EFCAB6: variants seen among roughly 807,000 people sequenced by gnomAD.
The protein encoded by EFCAB6 is EF-hand calcium-binding domain-containing protein 6.
Under a neutral mutation model 169.8 loss-of-function variants are expected in EFCAB6, and 156 were observed. The observed-to-expected ratio is 0.92, with a 90% CI of 0.81 to 1.05. The LOEUF (loss-of-function observed/expected upper bound fraction) is 1.05. Ranked by LOEUF, EFCAB6 falls within the 50% of genes least tolerant of loss-of-function variation. The probability of loss-of-function intolerance (pLI) is 0.00; values close to 1 mark genes in which losing one functional copy is unlikely to be tolerated. For missense variants in EFCAB6, 1,800 were observed against 1,829.1 expected (o/e 0.98, Z 0.29); for synonymous variants, 698 against 676.4 (o/e 1.03, Z -0.50).
chr22:43,641,817 A>G (rs2055824769), intron 17 of EFCAB6, among the ~76,000 whole-genome samples: 1 of 152,104 alleles, frequency 6.6e-6, no homozygotes, highest in African/African-American at 2.4e-5. Flanking sequence ...TCTTAATACT[A>G]CACTTAGCAA....
chr22:43,782,853 T>C (rs1353946232), intron 2 of EFCAB6, among the ~76,000 whole-genome samples: 1 of 152,196 alleles, frequency 6.6e-6, no homozygotes, highest in Non-Finnish European at 1.5e-5. Flanking sequence ...TGGGGAGCAT[T>C]TATTCCCCCA....
intron 22 of EFCAB6, among the ~76,000 whole-genome samples, chr22:43,601,455 T>C (rs1172121894): frequency 1.3e-5 from 2 of 152,230 alleles, no homozygotes; most frequent in African/African-American, 4.8e-5. Flanking sequence ...GAGACTATAT[T>C]TAAACAATGT....
intron 23 of EFCAB6, among the ~76,000 whole-genome samples, chr22:43,594,981 A>G (rs977997490): frequency 1.2e-4 from 19 of 152,354 alleles, no homozygotes; most frequent in Non-Finnish European, 2.4e-4. Context: ...GGAACTTTGG[A>G]AACTGTACAA....
chr22:43,738,568 CTT>C (rs1245859948), intron 6 of EFCAB6, among the ~76,000 whole-genome samples: 1 of 151,970 alleles, frequency 6.6e-6, no homozygotes, highest in East Asian at 1.9e-4. Context: ...TGCACACACA[CTT>C]GTACATATAA....
intron 3 of EFCAB6, among the ~76,000 whole-genome samples, chr22:43,779,875 A>G (rs1271514038): frequency 6.6e-6 from 1 of 152,350 alleles, no homozygotes; most frequent in African/African-American, 2.4e-5. Flanking sequence ...CACATTTTCA[A>G]TACAAAGAGA....
At chr22:43,727,288 G>A (rs950397192) in intron 8 of EFCAB6, among the ~76,000 whole-genome samples, 1 of 152,112 alleles carries the variant, frequency 6.6e-6, no homozygotes, top group Non-Finnish European at 1.5e-5. Flanking sequence ...AAATTAGCCA[G>A]GCATAGTGGC....
chr22:43,743,049 G>C (rs566079516), intron 6 of EFCAB6, among the ~76,000 whole-genome samples: 1 of 152,198 alleles, frequency 6.6e-6, no homozygotes, highest in South Asian at 2.1e-4. Context: ...AGGAAATGAA[G>C]CTCCATGTCA....
In EFCAB6 at chr22:43,576,312, G is replaced by A. The variant is rs772811269; in HGVS notation, c.3405C>T (p.Ser1135=). The change falls in exon 26 of 32, where the codon AGC becomes AGT. Residue 1135 remains serine, a synonymous_variant. Coordinates refer to ENST00000262726, the MANE Select transcript of EFCAB6 (RefSeq NM_022785.4). ...INWKYFLQNF[S]CFLEETADEW... ...ACATTCTTACCTCCTCAAGGAAACA[G>A]CTAAAGTTCTGGAGAAAATATTTCC... The A allele has an allele frequency of 1.3e-6, 2 of 1,586,880 alleles. No individual in the cohort carries two copies. Among genetic ancestry groups the A allele is most frequent in the South Asian group, 1.2e-5 (1 of 84,816 alleles).
At chr22:43,797,342 T>C (rs775999033) in intron 2 of EFCAB6, 1 of 152,594 alleles carries the variant, frequency 6.6e-6, no homozygotes, top group African/African-American at 2.4e-5. Context: ...TATTTCTGAC[T>C]TTGGGAATGC....
intron 10 of EFCAB6, among the ~76,000 whole-genome samples, chr22:43,706,557 T>C (rs1470489001): frequency 1.3e-5 from 2 of 152,234 alleles, no homozygotes; most frequent in Non-Finnish European, 2.9e-5. Context: ...ATATAATAAG[T>C]GCTCAAGAAT....
intron 26 of EFCAB6, among the ~76,000 whole-genome samples, chr22:43,561,528 C>T (rs956087107): frequency 6.6e-6 from 1 of 152,050 alleles, no homozygotes; most frequent in African/African-American, 2.4e-5. Flanking sequence ...TGCTGCCGCC[C>T]AGAGAACCAC....
chr22:43,583,173 G>A (rs1040445223), intron 24 of EFCAB6, among the ~76,000 whole-genome samples: 4 of 151,986 alleles, frequency 2.6e-5, no homozygotes, highest in Non-Finnish European at 5.9e-5. Context: ...TTGCTCCTCA[G>A]GGACTCTGAC....
chr22:43,597,391 C>A (rs2052097974), intron 23 of EFCAB6, among the ~76,000 whole-genome samples: 1 of 152,048 alleles, frequency 6.6e-6, no homozygotes, highest in Admixed American at 6.6e-5. Context: ...CTCTAACAAC[C>A]CAACAGCATG....
intron 26 of EFCAB6, among the ~76,000 whole-genome samples, chr22:43,567,894 C>CTG (rs1555927543): frequency 6.6e-6 from 1 of 152,142 alleles, no homozygotes; most frequent in Non-Finnish European, 1.5e-5. Flanking sequence ...GAAATGGAGA[C>CTG]TGTTTGACTC....
intron 17 of EFCAB6, among the ~76,000 whole-genome samples, chr22:43,645,934 A>G (rs994188817): frequency 6.6e-6 from 1 of 152,232 alleles, no homozygotes; most frequent in African/African-American, 2.4e-5. Context: ...AATTCCAGGC[A>G]TAACTAATGC....
intron 5 of EFCAB6, among the ~76,000 whole-genome samples, chr22:43,764,456 G>A (rs2061263654): frequency 6.6e-6 from 1 of 152,200 alleles, no homozygotes; most frequent in African/African-American, 2.4e-5. Flanking sequence ...CACCTAGGTT[G>A]GTTAATTCCA....
intron 30 of EFCAB6, chr22:43,531,959 G>T (rs573434446): frequency 1.3e-5 from 2 of 152,318 alleles, no homozygotes; most frequent in South Asian, 2.1e-4. Flanking sequence ...ACCAGAAAAT[G>T]AAGTCCCCTT....
chr22:43,781,798 G>A (rs1338852746), intron 3 of EFCAB6, among the ~76,000 whole-genome samples: 1 of 152,044 alleles, frequency 6.6e-6, no homozygotes, highest in Non-Finnish European at 1.5e-5. Flanking sequence ...GGGGAAACTG[G>A]GGGTGGGAGT....
intron 17 of EFCAB6, among the ~76,000 whole-genome samples, chr22:43,649,762 C>T (rs1479935602): frequency 6.6e-6 from 1 of 151,982 alleles, no homozygotes; most frequent in Non-Finnish European, 1.5e-5. Context: ...AAGAGAGCTG[C>T]GGAGGCAACC....
Sources: gnomAD v4.1 joint callset for allele counts (sites outside exome capture counted in the v4.1 genomes callset) on GRCh38, gnomAD v4.1.1 for gene constraint, MANE v1.5 for transcripts, NCBI Gene and HGNC (gene_info 2026-07-23, HGNC 2026-07-21) for gene names.